The following HAPSTR1 variants were observed in gnomAD, a reference collection of about 807,000 sequenced individuals.
HAPSTR1 encodes the protein HUWE1 associated protein modifying stress responses, also known as HUWE1-associated protein modifying stress responses 1.
the HAPSTR1 span, chr16:9,107,672 T>G: frequency 6.6e-6 from 1 of 152,244 alleles, no homozygotes; most frequent in African/African-American, 2.4e-5. Flanking sequence ...CCCATACTGT[T>G]TATCTCTTGA....
chr16:9,103,326 C>T, the HAPSTR1 span: 23 of 1,524,120 alleles, frequency 1.5e-5, no homozygotes, highest in Middle Eastern at 1.8e-4. Flanking sequence ...CCATTTTTCA[C>T]GGTTAGGTTT....
chr16:9,097,810 C>T, the HAPSTR1 span, among the ~76,000 whole-genome samples: 1 of 152,222 alleles, frequency 6.6e-6, no homozygotes, highest in East Asian at 1.9e-4. Context: ...CTAAAAATGA[C>T]TTCTGTCATC....
chr16:9,099,938 A>C, the HAPSTR1 span, among the ~76,000 whole-genome samples: 1 of 152,230 alleles, frequency 6.6e-6, no homozygotes, highest in Non-Finnish European at 1.5e-5. Context: ...CACCATTTAC[A>C]TGGGACTTTG....
At chr16:9,110,186 GTCTT>G in the HAPSTR1 span, 2 of 141,798 alleles carry the variant, frequency 1.4e-5, no homozygotes, top group Non-Finnish European at 3.0e-5. Flanking sequence ...GCCCAACTGA[GTCTT>G]TCTGTGGACT....
chr16:9,101,793 C>T, the HAPSTR1 span, among the ~76,000 whole-genome samples: 2 of 151,036 alleles, frequency 1.3e-5, no homozygotes, highest in Non-Finnish European at 2.9e-5. Flanking sequence ...GACTATTGCC[C>T]ATCCTTTGAG....
At chr16:9,110,291 T>A in the HAPSTR1 span, 17 of 151,464 alleles carry the variant, frequency 1.1e-4, no homozygotes, top group African/African-American at 3.9e-4. Context: ...TATGAAAAAA[T>A]CATTCGAAAT....
chr16:9,102,898 G>T, the HAPSTR1 span: 1 of 1,414,624 alleles, frequency 7.1e-7, no homozygotes, highest in East Asian at 2.3e-5. Flanking sequence ...ATTCACTTTG[G>T]TTAAATTGTA....
the HAPSTR1 span, among the ~76,000 whole-genome samples, chr16:9,114,430 G>T: frequency 6.6e-6 from 1 of 152,154 alleles, no homozygotes; most frequent in African/African-American, 2.4e-5. Context: ...GAGAACCAGG[G>T]AAGGAGCCTC....
the HAPSTR1 span, chr16:9,117,154 G>GA: frequency 1.9e-6 from 1 of 515,206 alleles, no homozygotes; most frequent in Non-Finnish European, 3.4e-6. Flanking sequence ...TCGTTAGCAA[G>GA]ATCATCATAG....
At chr16:9,116,628 C>G in the HAPSTR1 span, 1 of 1,597,574 alleles carries the variant, frequency 6.3e-7, no homozygotes, top group Non-Finnish European at 8.6e-7. Flanking sequence ...AAAAGGGTTA[C>G]ATAATTGAGC....
At chr16:9,103,138 A>G in the HAPSTR1 span, 6 of 1,614,126 alleles carry the variant, frequency 3.7e-6, no homozygotes, top group Non-Finnish European at 5.1e-6. Context: ...TTCCTCCACC[A>G]CGAAACTCTA....
chr16:9,095,691 T>G, the HAPSTR1 span, among the ~76,000 whole-genome samples: 1 of 151,792 alleles, frequency 6.6e-6, no homozygotes. Flanking sequence ...AGAGGGCTTT[T>G]GAAAAGTTGA....
chr16:9,097,232 G>A, the HAPSTR1 span, among the ~76,000 whole-genome samples: 1 of 138,674 alleles, frequency 7.2e-6, no homozygotes, highest in Non-Finnish European at 1.5e-5. Flanking sequence ...GAGCCACCGC[G>A]CCTGGCTCTT....
chr16:9,102,872 G>A, the HAPSTR1 span: 1 of 1,076,380 alleles, frequency 9.3e-7, no homozygotes, highest in East Asian at 2.4e-5. Flanking sequence ...GATGGGCTCA[G>A]AGGCCACATC....
the HAPSTR1 span, chr16:9,118,374 A>G: frequency 6.6e-6 from 1 of 152,596 alleles, no homozygotes; most frequent in Admixed American, 6.5e-5. Flanking sequence ...AAAGTTTGCA[A>G]TTTCTTCAGC....
the HAPSTR1 span, among the ~76,000 whole-genome samples, chr16:9,115,428 G>GA: frequency 6.6e-6 from 1 of 152,182 alleles, no homozygotes; most frequent in Admixed American, 6.5e-5. Context: ...TCCTAAGGCA[G>GA]AAGATCACTG....
At chr16:9,116,920 A>T in the HAPSTR1 span, 1 of 1,612,354 alleles carries the variant, frequency 6.2e-7, no homozygotes, top group Non-Finnish European at 8.5e-7. Flanking sequence ...TAAACTGCAA[A>T]CATTTTCACA....
the HAPSTR1 span, among the ~76,000 whole-genome samples, chr16:9,096,935 A>G: frequency 3.3e-5 from 5 of 152,070 alleles, no homozygotes; most frequent in South Asian, 2.1e-4. Context: ...TTTTGTGTGT[A>G]GCTCTTATTT....
At chr16:9,095,815 C>G in the HAPSTR1 span, among the ~76,000 whole-genome samples, 2 of 152,130 alleles carry the variant, frequency 1.3e-5, no homozygotes, top group African/African-American at 4.8e-5. Flanking sequence ...GGGTGGTTAC[C>G]TCTACTGTAA....
Sources: gnomAD v4.1 joint callset for allele counts (sites outside exome capture counted in the v4.1 genomes callset) on GRCh38, gnomAD v4.1.1 for gene constraint, MANE v1.5 for transcripts, NCBI Gene and HGNC (gene_info 2026-07-23, HGNC 2026-07-21) for gene names.